Variants in ITGB2 observed in about 807,000 individuals in gnomAD.
ITGB2 encodes the protein integrin subunit beta 2.
A neutral mutation model predicts 86.8 loss-of-function variants in ITGB2; 56 were observed. The observed-to-expected ratio is 0.65, with a 90% CI of 0.52 to 0.81. ITGB2 has a LOEUF of 0.81. ITGB2 is among the 30% of genes least tolerant of loss of function. The pLI is 0.00. For missense variants in ITGB2, 948 were observed against 1,061.2 expected (o/e 0.89, Z 1.48); for synonymous variants, 457 against 450.4 (o/e 1.01, Z -0.19).
At chr21:44,887,006 G>A in intron 14 of ITGB2, 104 bp from the exon 15 acceptor site, 7 of 1,413,336 alleles carry the variant, frequency 5.0e-6, no homozygotes, top group Middle Eastern at 1.9e-4. Flanking sequence ...TAGAGAGACG[G>A]AGGTTCCCAG....
intron 4 of ITGB2, among the ~76,000 whole-genome samples, chr21:44,906,198 C>A (rs2084040993): frequency 1.4e-5 from 2 of 140,604 alleles, no homozygotes; most frequent in Admixed American, 1.4e-4. Flanking sequence ...TCTTCCCTTC[C>A]TTTCTTTTCA....
intron 3 of ITGB2, 133 bp downstream of exon 3, chr21:44,910,151 G>A: frequency 8.8e-7 from 1 of 1,135,578 alleles, no homozygotes; most frequent in Non-Finnish European, 1.2e-6. Flanking sequence ...AGGGGAGGGT[G>A]AGGCCAGGGT....
intron 1 of ITGB2, among the ~76,000 whole-genome samples, chr21:44,917,578 G>A (rs934518510): frequency 6.6e-6 from 1 of 152,164 alleles, no homozygotes; most frequent in African/African-American, 2.4e-5. Context: ...TGCTGGCATG[G>A]GCTTGTTGCC....
At chr21:44,923,988 C>A (rs1386687730), upstream of ITGB2, among the ~76,000 whole-genome samples, 2 of 152,118 alleles carry the variant, frequency 1.3e-5, no homozygotes, top group East Asian at 3.8e-4. Flanking sequence ...GAAGATGTAG[C>A]CAATGAGAGT....
intron 10 of ITGB2, among the ~76,000 whole-genome samples, chr21:44,892,332 T>C (rs1192634138): frequency 6.6e-6 from 1 of 152,142 alleles, no homozygotes; most frequent in Non-Finnish European, 1.5e-5. Context: ...TGAGAATCCA[T>C]GGGACAGCTG....
chr21:44,922,658 GAAAAAAA>G (rs10532717), upstream of ITGB2, among the ~76,000 whole-genome samples: 10 of 114,744 alleles, frequency 8.7e-5, no homozygotes, highest in East Asian at 1.3e-3. Flanking sequence ...GGGTAACTGA[GAAAAAAA>G]AAAAAAAAAA....
Position 44,886,342 on chromosome 21 carries a change from G to C in ITGB2, c.*26C>G, listed in dbSNP as rs749722626. On this transcript the variant is annotated 3_prime_UTR_variant, in exon 16 of 16. Coordinates refer to ENST00000652462, the MANE Select transcript of ITGB2 (RefSeq NM_000211.5). ...TGATGGGGCAGACATGGTGGGTCCT[G>C]ACGGCCTTGTCTTCACCAAGTGCTC... 23 of 1,608,874 alleles carry C rather than the reference G, an allele frequency of 1.4e-5. No individual in the cohort carries two copies. The highest frequency in any genetic ancestry group is 2.0e-5 in the Non-Finnish European group (23 of 1,175,338).
At chr21:44,889,924 C>T in intron 12 of ITGB2, 54 bp downstream of exon 12, 1 of 1,608,640 alleles carries the variant, frequency 6.2e-7, no homozygotes, top group East Asian at 2.2e-5. Flanking sequence ...CACCCCCCAA[C>T]ACCAAGTCTG....
chr21:44,918,078 G>A (rs1028578052), intron 1 of ITGB2, among the ~76,000 whole-genome samples: 1 of 152,248 alleles, frequency 6.6e-6, no homozygotes, highest in Non-Finnish European at 1.5e-5. Context: ...CCGGCTTGGG[G>A]TGGGTATCAC....
At chr21:44,886,556 C>T (rs2083701391) in intron 15 of ITGB2, 126 bp from the exon 16 acceptor site, 2 of 1,392,764 alleles carry the variant, frequency 1.4e-6, no homozygotes, top group Non-Finnish European at 2.0e-6. Flanking sequence ...GGGCAGCCCC[C>T]CCAGGGTCCC....
intron 3 of ITGB2, chr21:44,908,177 C>T (rs768871462): frequency 8.2e-6 from 6 of 734,464 alleles, no homozygotes; most frequent in Middle Eastern, 2.3e-4. Flanking sequence ...GACCCAAAGC[C>T]GCTCCCTGTG....
In ITGB2 at chr21:44,903,505, C is replaced by T. The variant is rs371519127; in HGVS notation, c.359G>A (p.Arg120Gln). Reference protein sequence around the residue: ...GQAAAFNVTFRRAKGYPIDLY... With the variant: ...GQAAAFNVTFQRAKGYPIDLY... ...GTCGATGGGGTAGCCCTTGGCCCGCCGGAAGGTCACGTTGAACGCTGCTGC... is the reference window on the plus strand; with the variant it reads ...GTCGATGGGGTAGCCCTTGGCCCGCTGGAAGGTCACGTTGAACGCTGCTGC... The change falls in exon 5 of 16, where the codon CGG becomes CAG. Residue 120 changes from arginine to glutamine, a missense_variant. Physicochemically the swap from Arg to Gln is conservative, Grantham distance 43 (BLOSUM62 1). Transcript: ENST00000652462. 6.8e-5 allele frequency: 110 copies of T among 1,613,912 alleles called. No homozygotes were observed. The highest frequency in any genetic ancestry group is 8.6e-5 in the Non-Finnish European group (102 of 1,179,964).
intron 2 of ITGB2, 86 bp from the exon 3 acceptor site, chr21:44,910,458 G>A: frequency 6.3e-7 from 1 of 1,599,596 alleles, no homozygotes; most frequent in Non-Finnish European, 8.5e-7. Flanking sequence ...GGTCAGAGGA[G>A]GCCCAAAAAG....
intron 1 of ITGB2, among the ~76,000 whole-genome samples, chr21:44,918,326 C>T (rs1009297262): frequency 3.9e-5 from 6 of 152,252 alleles, no homozygotes; most frequent in Admixed American, 6.5e-5. Flanking sequence ...TCCATGGAAT[C>T]GCCACAGGCG....
intron 12 of ITGB2, among the ~76,000 whole-genome samples, 162 bp from the exon 13 acceptor site, chr21:44,889,657 C>T (rs753759346): frequency 1.3e-5 from 2 of 152,190 alleles, no homozygotes; most frequent in African/African-American, 2.4e-5. Flanking sequence ...CTTCTGCCCC[C>T]GCCAGCCACG....
At chr21:44,890,348 G>C (rs1034448999) in intron 11 of ITGB2, 126 bp from the exon 12 acceptor site, 6 of 1,188,636 alleles carry the variant, frequency 5.0e-6, no homozygotes, top group Non-Finnish European at 7.2e-6. Flanking sequence ...TGCTTTCCTC[G>C]AGGCCTACTG....
chr21:44,921,680 A>G (rs1310484457), upstream of ITGB2, among the ~76,000 whole-genome samples: 1 of 152,148 alleles, frequency 6.6e-6, no homozygotes, highest in Non-Finnish European at 1.5e-5. Flanking sequence ...ACTCAGACAC[A>G]TTACTACCCT....
rs563846292 is a variant in ITGB2 at position 44,887,062 on chromosome 21, C to G, written c.2081-160G>C. ...CACCATGGCCAGGGGTCAGTGAGAA[C>G]CTGGCCCAGCCCCTGCTGGATTCCA... is the stretch of plus-strand genomic sequence containing the variant. On this transcript the variant is annotated intron_variant, in intron 14 of 15. Coordinates refer to ENST00000652462, the MANE Select transcript of ITGB2 (RefSeq NM_000211.5). 2.0e-5 allele frequency among the ~76,000 whole-genome samples: 3 copies of G among 152,316 alleles called. No homozygotes were observed. In the East Asian group the frequency reaches 5.8e-4, roughly 29 times the overall value.
At position 44,901,666 on chromosome 21, in the gene ITGB2, G is replaced by A; in HGVS notation, c.567C>T (p.Asn189=). The change falls in exon 6 of 16, where the codon AAC becomes AAT. Residue 189 remains asparagine, a synonymous_variant. Coordinates refer to ENST00000652462, the MANE Select transcript of ITGB2 (RefSeq NM_000211.5). ...FVNTHPDKLR[N]PCPNKEKECQ... ...ACTCTTTCTCCTTGTTGGGGCATGG[G>A]TTTCGCAGCTTATCAGGGTGCGTGT... is the stretch of plus-strand genomic sequence containing the variant. 6.2e-7 allele frequency: 1 copy of A among 1,614,258 alleles called. No homozygotes were observed. Among genetic ancestry groups the A allele is most frequent in the Non-Finnish European group, 8.5e-7 (1 of 1,180,030 alleles).
Sources: gnomAD v4.1 joint callset for allele counts (sites outside exome capture counted in the v4.1 genomes callset) on GRCh38, gnomAD v4.1.1 for gene constraint, MANE v1.5 for transcripts, NCBI Gene and HGNC (gene_info 2026-07-23, HGNC 2026-07-21) for gene names.